The following CTNNA2 variants were observed in gnomAD, a reference collection of about 807,000 sequenced individuals.
CTNNA2 encodes the protein catenin alpha-2.
Under a neutral mutation model 101.0 loss-of-function variants are expected in CTNNA2, and 42 were observed. That is an observed-to-expected ratio of 0.42 (90% CI 0.32 to 0.54). The LOEUF (loss-of-function observed/expected upper bound fraction) is 0.54. Ranked by LOEUF, CTNNA2 falls within the 20% of genes least tolerant of loss-of-function variation. The pLI is 0.14. For missense variants in CTNNA2, 871 were observed against 1,223.1 expected (o/e 0.71, Z 4.29); for synonymous variants, 450 against 456.4 (o/e 0.99, Z 0.18).
intron 9 of CTNNA2, among the ~76,000 whole-genome samples, chr2:80,431,066 A>G (rs999624674): frequency 2.0e-5 from 3 of 152,186 alleles, no homozygotes; most frequent in African/African-American, 7.2e-5. Flanking sequence ...CTTCGATGTT[A>G]GAAGTTCAAT....
rs887485781 is a variant in CTNNA2 at position 79,644,503 on chromosome 2, G to A, written c.-5-7049G>A. Among the ~76,000 whole-genome samples the A allele has an allele frequency of 2.0e-5, 3 of 152,340 alleles. No homozygotes were observed. In the East Asian group the frequency reaches 5.8e-4, roughly 29 times the overall value. On this transcript the variant is annotated intron_variant, in intron 1 of 18. Transcript: ENST00000402739. The stretch of plus-strand genomic sequence containing the variant: ...TTTACAAGCATAACACAAGGGGGCT[G>A]AGGTCACTGGGCCAAAATTTTGTCT...
chr2:80,142,485 C>G (rs1446535685), intron 7 of CTNNA2, among the ~76,000 whole-genome samples: 2 of 152,004 alleles, frequency 1.3e-5, no homozygotes, highest in Non-Finnish European at 2.9e-5. Context: ...GAACTGTTAA[C>G]AGATGAAAAA....
chr2:80,406,469 T>G (rs534283402), intron 8 of CTNNA2, among the ~76,000 whole-genome samples: 1 of 152,074 alleles, frequency 6.6e-6, no homozygotes, highest in African/African-American at 2.4e-5. Flanking sequence ...GCCCCTCCTT[T>G]GAAATACAAA....
chr2:79,347,057 T>C (rs1166609908), intron 3 of CTNNA2, among the ~76,000 whole-genome samples: 1 of 152,154 alleles, frequency 6.6e-6, no homozygotes, highest in Admixed American at 6.5e-5. Flanking sequence ...AATATATCCA[T>C]GGAACAAACC....
intron 7 of CTNNA2, among the ~76,000 whole-genome samples, chr2:80,322,041 G>A (rs1008198504): frequency 4.6e-5 from 7 of 152,100 alleles, no homozygotes; most frequent in African/African-American, 1.2e-4. Flanking sequence ...TTTTAAATGT[G>A]GGTGTATTTT....
intron 7 of CTNNA2, among the ~76,000 whole-genome samples, chr2:80,389,301 T>C (rs1424321065): frequency 1.3e-5 from 2 of 151,846 alleles, no homozygotes; most frequent in East Asian, 3.9e-4. Context: ...ATGCTATCCA[T>C]TGTGCTTATG....
chr2:79,450,296 G>T (rs1476287349), intron 4 of CTNNA2, among the ~76,000 whole-genome samples: 1 of 151,974 alleles, frequency 6.6e-6, no homozygotes, highest in Non-Finnish European at 1.5e-5. Flanking sequence ...AAAGAATCAT[G>T]CTACGGTCCA....
chr2:79,190,964 T>G (rs1172068142), intron 1 of CTNNA2, among the ~76,000 whole-genome samples: 1 of 152,182 alleles, frequency 6.6e-6, no homozygotes, highest in Admixed American at 6.5e-5. Context: ...CTTTGTTAGT[T>G]CAGCTTTCTC....
At chr2:80,623,749 C>A (rs1039450095) in intron 18 of CTNNA2, among the ~76,000 whole-genome samples, 2 of 151,828 alleles carry the variant, frequency 1.3e-5, no homozygotes, top group Admixed American at 6.6e-5. Flanking sequence ...TACCCCATCC[C>A]ACTCCCCAGC....
chr2:80,199,979 CTA>C (rs2149013793), intron 7 of CTNNA2, among the ~76,000 whole-genome samples: 1 of 152,238 alleles, frequency 6.6e-6, no homozygotes, highest in African/African-American at 2.4e-5. Flanking sequence ...TCCTAGGCAC[CTA>C]TGTTTCTGAC....
At chr2:79,646,777 C>T (rs1417416863) in intron 1 of CTNNA2, among the ~76,000 whole-genome samples, 1 of 152,100 alleles carries the variant, frequency 6.6e-6, no homozygotes, top group Admixed American at 6.6e-5. Context: ...AGTCCACTCA[C>T]TGTGGCCTCC....
intron 7 of CTNNA2, among the ~76,000 whole-genome samples, chr2:79,991,480 C>T (rs1039923573): frequency 6.6e-6 from 1 of 152,152 alleles, no homozygotes; most frequent in Non-Finnish European, 1.5e-5. Flanking sequence ...GAAAATTCCT[C>T]ATCTGTGAAA....
chr2:79,473,993 T>C (rs1051241575), intron 4 of CTNNA2, among the ~76,000 whole-genome samples: 2 of 152,272 alleles, frequency 1.3e-5, no homozygotes, highest in East Asian at 1.9e-4. Flanking sequence ...TACTGAGGAA[T>C]TGGGTTTTAA....
chr2:79,838,715 T>C (rs1679571543), intron 3 of CTNNA2, among the ~76,000 whole-genome samples: 1 of 152,086 alleles, frequency 6.6e-6, no homozygotes, highest in African/African-American at 2.4e-5. Flanking sequence ...ATTAAAAGTG[T>C]TGATTATGAT....
At chr2:80,481,644 C>G (rs1025104625) in intron 9 of CTNNA2, among the ~76,000 whole-genome samples, 6 of 152,052 alleles carry the variant, frequency 3.9e-5, no homozygotes, top group Non-Finnish European at 8.8e-5. Context: ...CAGAGTTTTT[C>G]GTCTTATTCT....
chr2:80,527,109 C>A (rs977840420), intron 9 of CTNNA2, among the ~76,000 whole-genome samples: 9 of 152,106 alleles, frequency 5.9e-5, no homozygotes, highest in Non-Finnish European at 1.3e-4. Flanking sequence ...CTCACTCTTA[C>A]CCAGAATATT....
intron 7 of CTNNA2, among the ~76,000 whole-genome samples, chr2:79,950,479 T>C (rs34317279): frequency 0.29 from 44,264 of 152,182 alleles, 7,105 homozygotes; most frequent in Non-Finnish European, 0.37. Flanking sequence ...GAGGCTTCGC[T>C]GTGTATTGAA....
At chr2:79,644,163 G>A (rs961587306) in intron 1 of CTNNA2, among the ~76,000 whole-genome samples, 1 of 152,010 alleles carries the variant, frequency 6.6e-6, no homozygotes, top group East Asian at 1.9e-4. Flanking sequence ...TCAGCCTCCC[G>A]AGTAGCTGGG....
intron 1 of CTNNA2, among the ~76,000 whole-genome samples, chr2:79,591,515 T>C (rs948573832): frequency 6.6e-6 from 1 of 152,256 alleles, no homozygotes; most frequent in Non-Finnish European, 1.5e-5. Flanking sequence ...TTTAATTCTT[T>C]AACCTTCACA....
Sources: gnomAD v4.1 joint callset for allele counts (sites outside exome capture counted in the v4.1 genomes callset) on GRCh38, gnomAD v4.1.1 for gene constraint, MANE v1.5 for transcripts, NCBI Gene and HGNC (gene_info 2026-07-23, HGNC 2026-07-21) for gene names.